The following GSK3A variants were observed in gnomAD, a reference collection of about 807,000 sequenced individuals.
GSK3A encodes the protein glycogen synthase kinase-3 alpha.
A neutral mutation model predicts 56.6 loss-of-function variants in GSK3A; 14 were observed. The observed-to-expected ratio is 0.25, with a 90% confidence interval of 0.16 to 0.39. GSK3A has a LOEUF of 0.39. GSK3A is among the 10% of genes least tolerant of loss of function. The probability of loss-of-function intolerance (pLI) is 1.00; values close to 1 mark genes in which losing one functional copy is unlikely to be tolerated. For synonymous variants in GSK3A, 301 were observed against 285.0 expected, an observed-to-expected ratio of 1.06 and a Z score of -0.56; for missense variants, 450 against 656.0, an observed-to-expected ratio of 0.69 and a Z score of 3.43.
intron 1 of GSK3A, 25 bp from the exon 2 acceptor site, chr19:42,240,167 T>C (rs1211675226): frequency 1.2e-6 from 2 of 1,606,260 alleles, no homozygotes; most frequent in Non-Finnish European, 1.7e-6. Flanking sequence ...GGATACACGA[T>C]CCACTGACCC....
At position 42,235,904 on chromosome 19, in the gene GSK3A, A is replaced by G. The variant is rs10418493; in HGVS notation, c.666+702T>C. 8.6e-3 allele frequency among the ~76,000 whole-genome samples: 1,304 copies of G among 152,252 alleles called. 18 individuals are homozygous for G. The highest frequency in any genetic ancestry group is 0.03 in the African/African-American group (1,249 of 41,528). ...CTGGGAAGTGAGGTCCAACAGCCAC[A>G]ACCACTGGTAGAGCCCACGTCGGCT... On this transcript the variant is annotated intron_variant, in intron 4 of 10. Transcript: ENST00000222330.
intron 10 of GSK3A, 145 bp downstream of exon 10, chr19:42,231,912 T>C (rs2036226393): frequency 1.7e-6 from 1 of 575,860 alleles, no homozygotes. Context: ...AAGGTGGTCA[T>C]TCACATGTTG....
intron 3 of GSK3A, 34 bp from the exon 4 acceptor site, chr19:42,236,750 TGA>T: frequency 6.5e-7 from 1 of 1,538,872 alleles, no homozygotes; most frequent in African/African-American, 1.4e-5. Context: ...TGAGGCACTG[TGA>T]GAAGAGTGAG....
Position 42,234,681 on chromosome 19 carries a change from G to GCGGC in GSK3A, c.667-7_667-4dup. 6.3e-7 allele frequency: 1 copy of GCGGC among 1,585,158 alleles called. No individual in the cohort carries two copies. The highest frequency in any genetic ancestry group is 8.6e-7 in the Non-Finnish European group (1 of 1,164,534). On this transcript the variant is annotated splice_region_variant and splice_polypyrimidine_tract_variant and intron_variant, in intron 4 of 10. Transcript: ENST00000222330. The surrounding 1 kb of genome is among the most constrained non-coding windows in gnomAD (Gnocchi z 5.7). ...CGGAAGAGCTGGTACATGTACACCT[G>GCGGC]CGGCGGGCACAGGATAGCAGAACTT... is the stretch of plus-strand genomic sequence containing the variant.
At chr19:42,232,274 C>A in intron 9 of GSK3A, 125 bp from the exon 10 acceptor site, 1 of 746,582 alleles carries the variant, frequency 1.3e-6, no homozygotes, top group Non-Finnish European at 2.3e-6. Context: ...AGACCTCTCT[C>A]AATGAAAAAC....
rs537649231 is a variant in GSK3A, at chr19:42,237,010, C to T, written c.472-69G>A. ...GGCTGCTCCTCCCTACTCACACTCA[C>T]TCCCAACAACAGCCAGGCAGCTACT... On this transcript the variant is annotated intron_variant, in intron 2 of 10. Coordinates refer to ENST00000222330, the MANE Select transcript of GSK3A (RefSeq NM_019884.3). 85 of 1,047,368 alleles carry T rather than the reference C, an allele frequency of 8.1e-5. No individual in the cohort carries two copies. In the South Asian group the frequency reaches 9.9e-4, roughly 12 times the overall value. The allele number at this position is 1,047,368 out of a possible 1,614,324, so 64.9% of individuals were successfully genotyped here. A position where few individuals can be genotyped will look rare whatever the true frequency, so the allele number is the denominator to read the frequency against.
At chr19:42,233,786 G>A (rs1170523493) in intron 6 of GSK3A, among the ~76,000 whole-genome samples, 3 of 152,096 alleles carry the variant, frequency 2.0e-5, no homozygotes, top group Non-Finnish European at 4.4e-5. Context: ...GAGCTGCAGC[G>A]TGGCAGTCTC....
rs1417966495 is a variant in GSK3A at position 42,232,143 on chromosome 19, G to C, written c.1292C>G (p.Ser431Cys). ...AATGGCGTTGAGAGACGGTTGGATG[G>C]AGAGTTCTAGAAACAGGAATTGACA... ...PLFNFSAGEL[S>C]IQPSLNAILI... Residue 431 changes from serine (S) to cysteine (C), a missense_variant, in exon 10 of 11, where the codon TCC becomes TGC. Physicochemically the swap from Ser to Cys is moderately radical, Grantham distance 112 (BLOSUM62 -1). Coordinates refer to ENST00000222330, the MANE Select transcript of GSK3A (RefSeq NM_019884.3). The C allele has an allele frequency of 6.3e-7, 1 of 1,591,928 alleles. No individual in the cohort carries two copies. The highest frequency in any genetic ancestry group is 8.6e-7 in the Non-Finnish European group (1 of 1,160,706).
rs754589092 is a variant in GSK3A, at chr19:42,234,506, T to TC, written c.797+41dup. 3.1e-6 allele frequency: 5 copies of TC among 1,610,662 alleles called. No homozygotes were observed. The highest frequency in any genetic ancestry group is 2.2e-5 in the East Asian group (1 of 44,786). ...GGTACACGTGAGGCAAGGGTTGGGG[T>TC]CCCCCCTGCCTCTTCAGCCACCCAA... On this transcript the variant is annotated intron_variant, in intron 5 of 10. Transcript: ENST00000222330. This position sits in a 1 kb window ranked among gnomAD's most constrained non-coding sequence, Gnocchi z 5.7.
intron 1 of GSK3A, chr19:42,241,547 G>A (rs1259727380): frequency 3.9e-5 from 6 of 152,162 alleles, no homozygotes; most frequent in Non-Finnish European, 8.8e-5. Context: ...GACTCCCAAT[G>A]TCTTTATATC....
chr19:42,232,371 G>T, intron 9 of GSK3A, 125 bp downstream of exon 9: 1 of 863,432 alleles, frequency 1.2e-6, no homozygotes, highest in Non-Finnish European at 1.8e-6. Context: ...CATCTTTCCT[G>T]AGCCCCAGGC....
chr19:42,233,064 GA>G (rs1183562856), intron 8 of GSK3A, 45 bp downstream of exon 8: 4 of 1,261,056 alleles, frequency 3.2e-6, no homozygotes, highest in East Asian at 2.4e-5. Flanking sequence ...CTCCAAGGGG[GA>G]CCAGCTCTCA....
chr19:42,230,236 C>T lies in GSK3A; in HGVS notation c.*558G>A, dbSNP rs2036213600. 6.4e-6 allele frequency: 1 copy of T among 155,466 alleles called. No homozygotes were observed. Among genetic ancestry groups the T allele is most frequent in the Non-Finnish European group, 1.4e-5 (1 of 70,078 alleles). The allele number at this position is 155,466 out of a possible 1,614,324, so 9.6% of individuals were successfully genotyped here. A position where few individuals can be genotyped will look rare whatever the true frequency, so the allele number is the denominator to read the frequency against. On this transcript the variant is annotated 3_prime_UTR_variant, in exon 11 of 11. Transcript: ENST00000222330. ...GAACGGAGGTCTGTACACAGGCAAACCTTACTGTGGAAACTAAGACATCAG... is the reference window on the plus strand; with the variant it reads ...GAACGGAGGTCTGTACACAGGCAAATCTTACTGTGGAAACTAAGACATCAG...
intron 1 of GSK3A, chr19:42,240,721 T>C (rs760114323): frequency 1.3e-5 from 2 of 156,622 alleles, no homozygotes; most frequent in African/African-American, 2.4e-5. Context: ...CCCTCACTTT[T>C]TGGTACTTTG....
In GSK3A at chr19:42,232,068, G is replaced by A. The variant is rs759204057; in HGVS notation, c.1367C>T (p.Pro456Leu). 7 of 1,598,538 alleles carry A rather than the reference G, an allele frequency of 4.4e-6. No homozygotes were observed. Among genetic ancestry groups the A allele is most frequent in the East Asian group, 4.5e-5 (2 of 44,778 alleles). Residue 456 changes from proline to leucine, a missense_variant, in exon 10 of 11, where the codon CCG becomes CTG. By Grantham distance (98) the Pro-to-Leu change is moderately conservative. Coordinates refer to ENST00000222330, the MANE Select transcript of GSK3A (RefSeq NM_019884.3). The part of the protein sequence containing the change: ...RSPAGTTTLT[P>L]SSQALTETPT... ...TGGTCCCCACTTACCTTGTGAGGAC[G>A]GGGTGAGGGTGGTAGTGCCCGCTGG...
rs1209996685 is a variant in GSK3A at position 42,242,445 on chromosome 19, C to T, written c.21G>A (p.Ser7=). MSGGGP[S]GGGPGGSGRA... ...TGCCCGAGCCCCCAGGGCCGCCTCC[C>T]GAAGGCCCGCCGCCGCTCATGGCGC... The change falls in exon 1 of 11, where the codon TCG becomes TCA. Residue 7 remains serine, a synonymous_variant. Coordinates refer to ENST00000222330, the MANE Select transcript of GSK3A (RefSeq NM_019884.3). 3 of 1,266,652 alleles carry T rather than the reference C, an allele frequency of 2.4e-6. No homozygotes were observed. Among genetic ancestry groups the T allele is most frequent in the Admixed American group, 7.5e-5 (2 of 26,784 alleles). 78.5% of individuals were successfully genotyped at this position (1,266,652 alleles called of 1,614,324 possible).
At chr19:42,241,599 C>T (rs1416351769) in intron 1 of GSK3A, 1 of 152,178 alleles carries the variant, frequency 6.6e-6, no homozygotes, top group African/African-American at 2.4e-5. Context: ...GGCAGTACAG[C>T]TCAACAAGAT....
In GSK3A at chr19:42,232,669, C is replaced by A; in HGVS notation, c.1112G>T (p.Arg371Leu). The change falls in exon 9 of 11, where the codon CGA becomes CTA. Residue 371 changes from arginine (R) to leucine (L), a missense_variant. Physicochemically the swap from Arg to Leu is moderately radical, Grantham distance 102. Around this residue, in one of 3 missense-constraint regions of GSK3A, gnomAD observed 113 missense variants for 147.5 expected, o/e 0.77. Coordinates refer to ENST00000222330, the MANE Select transcript of GSK3A (RefSeq NM_019884.3). ...GAGCGCGATGGCCTCTGGCGGCGTT[C>A]GAGATTTGAACACCTGAGGGATGGG... ...AHPWTKVFKS[R>L]TPPEAIALCS... The A allele has an allele frequency of 6.3e-7, 1 of 1,579,958 alleles. No homozygotes were observed. The highest frequency in any genetic ancestry group is 1.2e-5 in the South Asian group (1 of 85,624).
Position 42,232,540 on chromosome 19 carries a change from G to A in GSK3A, c.1241C>T (p.Pro414Leu). ...GAGAGGGGGAAGTGGGCGGTTGTTAGGCAGCTGGGTTCCCAGACATCGCAG... is the reference window on the plus strand; with the variant it reads ...GAGAGGGGGAAGTGGGCGGTTGTTAAGCAGCTGGGTTCCCAGACATCGCAG... ...DELRCLGTQL[P>L]NNRPLPPLFN... is the part of the protein sequence containing the mutation. The change falls in exon 9 of 11, where the codon CCT becomes CTT. Residue 414 changes from proline (P) to leucine (L), a missense_variant. Transcript: ENST00000222330. 5 of 1,614,166 alleles carry A rather than the reference G, an allele frequency of 3.1e-6. No individual in the cohort carries two copies. Among genetic ancestry groups the A allele is most frequent in the Non-Finnish European group, 3.4e-6 (4 of 1,180,030 alleles).
Sources: allele counts gnomAD v4.1 joint callset (sites outside exome capture counted in the v4.1 genomes callset), GRCh38; gene constraint gnomAD v4.1.1; regional missense constraint gnomAD v4.1.1; non-coding constraint Gnocchi (gnomAD v3.1); transcripts MANE v1.5; gene names NCBI Gene and HGNC (gene_info 2026-07-23, HGNC 2026-07-21).